GRAMD1B: variants seen among roughly 807,000 people sequenced by gnomAD.
GRAMD1B encodes GRAM domain containing 1B.
GRAMD1B carries 37 observed loss-of-function variants against 99.7 expected under a neutral mutation model. The observed-to-expected ratio is 0.37, with a 90% CI of 0.29 to 0.49. The LOEUF (loss-of-function observed/expected upper bound fraction) is 0.49, where lower values mean the gene tolerates loss of function less well. Among genes scored for constraint, GRAMD1B ranks in the 20% least tolerant of loss-of-function variants. GRAMD1B has a pLI of 0.98. For synonymous variants in GRAMD1B, 427 were observed against 387.6 expected (o/e 1.10, Z -1.19); for missense variants, 888 against 1,009.2 (o/e 0.88, Z 1.63).
chr11:123,595,031 C>G (rs1951101350), intron 6 of GRAMD1B, among the ~76,000 whole-genome samples, 193 bp downstream of exon 6: 1 of 152,154 alleles, frequency 6.6e-6, no homozygotes, highest in Admixed American at 6.5e-5. Flanking sequence ...TCTTCCCCTC[C>G]CTCCCTCCCC....
rs1423106341 is a variant in GRAMD1B, at chr11:123,623,606, T to A, written c.*1011T>A. 3.3e-5 allele frequency: 5 copies of A among 151,892 alleles called. No individual in the cohort carries two copies. The highest frequency in any genetic ancestry group is 5.9e-5 in the Non-Finnish European group (4 of 68,028). The allele number at this position is 151,892 out of a possible 1,614,324, so 9.4% of individuals were successfully genotyped here. A position where few individuals can be genotyped will look rare whatever the true frequency, so the allele number is the denominator to read the frequency against. Reference sequence around the variant, plus strand: ...GAGAAGGCCCTTGCCACGTCCGGGGTGCAGGGTCTACCCACAGAACACTGT... The same window carrying A: ...GAGAAGGCCCTTGCCACGTCCGGGGAGCAGGGTCTACCCACAGAACACTGT... On this transcript the variant is annotated 3_prime_UTR_variant, in exon 20 of 20. Transcript: ENST00000635736.
chr11:123,579,830 G>C (rs1448779802), intron 3 of GRAMD1B, among the ~76,000 whole-genome samples: 1 of 152,204 alleles, frequency 6.6e-6, no homozygotes, highest in African/African-American at 2.4e-5. Flanking sequence ...ACAGGCGTCA[G>C]GGACCAGGTA....
intron 1 of GRAMD1B, among the ~76,000 whole-genome samples, chr11:123,477,352 CTTGAGAGTGGTAAATGGAAAA>C (rs1356759627): frequency 7.0e-6 from 1 of 143,406 alleles, no homozygotes; most frequent in Non-Finnish European, 1.5e-5. Flanking sequence ...GTGCTGGGTA[CTTGAGAGTGGTAAATGGAAAA>C]TGGAAATGAA....
At chr11:123,550,540 G>A (rs910311675) in intron 2 of GRAMD1B, among the ~76,000 whole-genome samples, 2 of 152,166 alleles carry the variant, frequency 1.3e-5, no homozygotes, top group Admixed American at 1.3e-4. Flanking sequence ...CCGGCTCGTT[G>A]TCTCTGGTTT....
chr11:123,450,714 T>C (rs1401961494), intron 1 of GRAMD1B, among the ~76,000 whole-genome samples: 1 of 152,150 alleles, frequency 6.6e-6, no homozygotes, highest in Non-Finnish European at 1.5e-5. Context: ...CCACTGATAG[T>C]GGGACTTCAT....
chr11:123,562,550 C>A (rs1335908820), intron 2 of GRAMD1B, among the ~76,000 whole-genome samples: 9 of 152,296 alleles, frequency 5.9e-5, no homozygotes, highest in Admixed American at 5.2e-4. Flanking sequence ...ATGTGGATTT[C>A]CTATGATTTT....
intron 2 of GRAMD1B, among the ~76,000 whole-genome samples, chr11:123,511,662 T>A (rs934211492): frequency 2.6e-5 from 4 of 152,012 alleles, no homozygotes; most frequent in Non-Finnish European, 5.9e-5. Context: ...GATGGCAGGG[T>A]CTCCTTTCTC....
At chr11:123,516,054 C>T (rs1382057370) in intron 2 of GRAMD1B, among the ~76,000 whole-genome samples, 2 of 152,202 alleles carry the variant, frequency 1.3e-5, no homozygotes, top group Non-Finnish European at 2.9e-5. Context: ...CAGGTGTGAG[C>T]CCCCGCACCC....
Position 123,598,238 on chromosome 11 carries a change from A to G in GRAMD1B, c.969+2201A>G, listed in dbSNP as rs566633309. ...TAGTTTCCACAGATCTCACAGTTGT[A>G]GTTGATATTTAGGCCATGAAGCATA... On this transcript the variant is annotated intron_variant, in intron 7 of 19. Coordinates refer to ENST00000635736, the MANE Select transcript of GRAMD1B (RefSeq NM_001387025.1). The G allele has an allele frequency of 3.6e-6, 5 of 1,401,738 alleles. No homozygotes were observed. The South Asian group carries it at 5.8e-5, about 16-fold the overall frequency. The allele number at this position is 1,401,738 out of a possible 1,614,324, so 86.8% of individuals were successfully genotyped here. A position where few individuals can be genotyped will look rare whatever the true frequency, so the allele number is the denominator to read the frequency against.
chr11:123,387,861 C>G (rs375425091), intron 1 of GRAMD1B, among the ~76,000 whole-genome samples: 2 of 151,992 alleles, frequency 1.3e-5, no homozygotes, highest in Non-Finnish European at 2.9e-5. Context: ...TGGTGGCTCA[C>G]GCCTGTAATC....
chr11:123,495,678 CTT>C (rs556302274), intron 2 of GRAMD1B, among the ~76,000 whole-genome samples: 9 of 114,388 alleles, frequency 7.9e-5, no homozygotes, highest in Admixed American at 1.7e-4. Flanking sequence ...CTTTCTTCTT[CTT>C]TTTTTTTTTT....
chr11:123,373,910 T>C (rs1946610988), intron 1 of GRAMD1B, among the ~76,000 whole-genome samples: 1 of 152,186 alleles, frequency 6.6e-6, no homozygotes, highest in African/African-American at 2.4e-5. Flanking sequence ...ATTATTTGGC[T>C]CTCCAATTTT....
chr11:123,368,275 A>AAAAAAAAAAAAGAAAG (rs60644137), intron 1 of GRAMD1B, among the ~76,000 whole-genome samples: 10 of 127,142 alleles, frequency 7.9e-5, no homozygotes, highest in South Asian at 2.3e-4. Context: ...AAAAAAAAAA[A>AAAAAAAAAAAAGAAAG]AAAGAAAGAA....
At chr11:123,598,491 G>A (rs1206339491) in intron 7 of GRAMD1B, 3 of 1,207,568 alleles carry the variant, frequency 2.5e-6, no homozygotes, top group East Asian at 4.7e-5. Context: ...TTCTAGAAAA[G>A]CAATGTCTTT....
intron 1 of GRAMD1B, among the ~76,000 whole-genome samples, chr11:123,399,751 A>AGG: frequency 6.6e-6 from 1 of 152,274 alleles, no homozygotes; most frequent in East Asian, 1.9e-4. Flanking sequence ...CTGGAATTAA[A>AGG]TGTGCACCAC....
intron 2 of GRAMD1B, among the ~76,000 whole-genome samples, chr11:123,568,330 G>A (rs1947631460): frequency 6.6e-6 from 1 of 152,238 alleles, no homozygotes; most frequent in Non-Finnish European, 1.5e-5. Context: ...TGAGCCTGGA[G>A]AATTGTCAGG....
Position 123,404,611 on chromosome 11 carries a change from C to T in GRAMD1B, c.-176+45812C>T, listed in dbSNP as rs1947789264. ...TGGCAGAGCTAGGGTTAGGGTAGTA[C>T]TCTTCTGCCTCCCAACTTCATTCTA... On this transcript the variant is annotated intron_variant, in intron 1 of 20. Transcript: ENST00000638157. Among the ~76,000 whole-genome samples, 4 of 152,220 alleles carry T rather than the reference C, an allele frequency of 2.6e-5. No individual in the cohort carries two copies. The South Asian group carries it at 8.3e-4, about 31-fold the overall frequency.
chr11:123,460,907 A>C (rs1263578458), intron 1 of GRAMD1B, among the ~76,000 whole-genome samples: 1 of 152,112 alleles, frequency 6.6e-6, no homozygotes, highest in African/African-American at 2.4e-5. Context: ...TCCCAGGTGC[A>C]TCAGCTTCTC....
chr11:123,454,377 G>T (rs200887478), intron 1 of GRAMD1B: 1 of 152,170 alleles, frequency 6.6e-6, no homozygotes, highest in Non-Finnish European at 1.5e-5. Flanking sequence ...CAGGGCTTGC[G>T]TTGTTTTTTC....
Sources: allele counts gnomAD v4.1 joint callset (sites outside exome capture counted in the v4.1 genomes callset), GRCh38; gene constraint gnomAD v4.1.1; transcripts MANE v1.5; gene names NCBI Gene and HGNC (gene_info 2026-07-23, HGNC 2026-07-21).